The following PKD2 variants were observed in gnomAD, a reference collection of about 807,000 sequenced individuals.
PKD2 encodes polycystin-2.
Under a neutral mutation model 105.9 loss-of-function variants are expected in PKD2, and 48 were observed. That is an observed-to-expected ratio of 0.45 (90% confidence interval 0.36 to 0.58). The LOEUF is 0.58. Ranked by LOEUF, PKD2 falls within the 20% of genes least tolerant of loss-of-function variation. The pLI is 0.00. For synonymous variants in PKD2, 464 were observed against 481.1 expected, an observed-to-expected ratio of 0.96 and a Z score of 0.46; for missense variants, 1,078 against 1,255.3, an observed-to-expected ratio of 0.86 and a Z score of 2.13.
intron 7 of PKD2, among the ~76,000 whole-genome samples, chr4:88,054,716 A>T (rs1030904497): frequency 2.9e-5 from 4 of 137,308 alleles, no homozygotes; most frequent in African/African-American, 1.1e-4. Flanking sequence ...GTGCAGTGGC[A>T]CAATCTTAGC....
chr4:88,050,317 A>G (rs1338293720), intron 6 of PKD2, among the ~76,000 whole-genome samples: 3 of 152,052 alleles, frequency 2.0e-5, no homozygotes, highest in Admixed American at 6.6e-5. Flanking sequence ...AGCACCTACT[A>G]TGTACTTGCC....
intron 11 of PKD2, 98 bp downstream of exon 11, chr4:88,065,593 CTT>C (rs111465406): frequency 5.2e-3 from 5,435 of 1,054,320 alleles, no homozygotes; most frequent in Admixed American, 5.6e-3. Context: ...CATACAGATA[CTT>C]TTTTTTTTTT....
intron 5 of PKD2, 44 bp from the exon 6 acceptor site, chr4:88,046,598 G>A: frequency 6.3e-6 from 7 of 1,119,854 alleles, no homozygotes; most frequent in Non-Finnish European, 8.2e-6. Context: ...CTGTATTCAT[G>A]TGTTGTTGTT....
chr4:88,052,724 C>T (rs1196418729), intron 7 of PKD2, among the ~76,000 whole-genome samples: 2 of 152,030 alleles, frequency 1.3e-5, no homozygotes, highest in African/African-American at 2.4e-5. Flanking sequence ...GTTAGCTGGG[C>T]CTGGGGCCCC....
chr4:88,008,718 A>C (rs1315187081), intron 1 of PKD2, among the ~76,000 whole-genome samples: 1 of 152,162 alleles, frequency 6.6e-6, no homozygotes, highest in Non-Finnish European at 1.5e-5. Context: ...CCAATGTCAC[A>C]AAATCTAAAG....
chr4:88,055,434 T>C (rs1429547965), intron 7 of PKD2, among the ~76,000 whole-genome samples: 1 of 152,040 alleles, frequency 6.6e-6, no homozygotes, highest in African/African-American at 2.4e-5. Flanking sequence ...CCTCCCAGGC[T>C]CAAGCAACCC....
intron 8 of PKD2, among the ~76,000 whole-genome samples, chr4:88,056,470 G>A (rs1182801472): frequency 6.6e-6 from 1 of 152,170 alleles, no homozygotes; most frequent in Non-Finnish European, 1.5e-5. Context: ...GCTTAAGATA[G>A]CAGCCCAAAG....
intron 14 of PKD2, 61 bp downstream of exon 14, chr4:88,075,020 GT>G (rs1721181935): frequency 3.9e-6 from 6 of 1,550,582 alleles, no homozygotes; most frequent in Non-Finnish European, 5.3e-6. Context: ...GAAAATATAT[GT>G]TGCTGACAGT....
chr4:88,037,867 C>T (rs1408372882), intron 3 of PKD2, among the ~76,000 whole-genome samples: 1 of 147,620 alleles, frequency 6.8e-6, no homozygotes, highest in African/African-American at 2.7e-5. Context: ...AGCCTTTTCT[C>T]TAAACAAAGT....
chr4:88,075,010 GA>G, intron 14 of PKD2, 51 bp downstream of exon 14: 1 of 1,588,192 alleles, frequency 6.3e-7, no homozygotes, highest in Non-Finnish European at 8.6e-7. Flanking sequence ...TGTTATTAAT[GA>G]AAATATATGT....
chr4:88,058,389 CTATT>C (rs1236169612), intron 9 of PKD2, among the ~76,000 whole-genome samples: 1 of 152,068 alleles, frequency 6.6e-6, no homozygotes, highest in East Asian at 1.9e-4. Context: ...ATATATGTAT[CTATT>C]CCATGCAAAA....
At chr4:88,073,424 G>T (rs1324772200) in intron 13 of PKD2, among the ~76,000 whole-genome samples, 2 of 152,018 alleles carry the variant, frequency 1.3e-5, no homozygotes, top group Admixed American at 1.3e-4. Flanking sequence ...TACTCGGGAG[G>T]CTGAGGCAGG....
Position 88,029,477 on chromosome 4 carries a change from A to G in PKD2, c.710-6743A>G, listed in dbSNP as rs370344212. Among the ~76,000 whole-genome samples, 46 of 152,006 alleles carry G rather than the reference A, an allele frequency of 3.0e-4. 1 individual carries two copies. In the East Asian group the frequency reaches 4.3e-3, roughly 14 times the overall value. On this transcript the variant is annotated intron_variant, in intron 2 of 14. Coordinates refer to ENST00000237596, the MANE Select transcript of PKD2 (RefSeq NM_000297.4). Reference sequence around the variant, plus strand: ...CCCAGCCTGAACTCATCTCCCACCCATCTATCCAGCCATGCTCTCTAGTTC... The same window carrying G: ...CCCAGCCTGAACTCATCTCCCACCCGTCTATCCAGCCATGCTCTCTAGTTC...
chr4:88,037,825 C>CG (rs1727396407), intron 3 of PKD2, among the ~76,000 whole-genome samples: 1 of 152,204 alleles, frequency 6.6e-6, no homozygotes, highest in African/African-American at 2.4e-5. Flanking sequence ...GGTGAAAGGT[C>CG]TATCAAATGC....
chr4:88,027,714 T>C (rs1727006078), intron 2 of PKD2, among the ~76,000 whole-genome samples: 1 of 152,170 alleles, frequency 6.6e-6, no homozygotes, highest in East Asian at 1.9e-4. Flanking sequence ...GTAATCCCCA[T>C]GTGTCAAGGG....
chr4:88,047,328 A>C (rs1177046284), intron 6 of PKD2, among the ~76,000 whole-genome samples: 1 of 152,110 alleles, frequency 6.6e-6, no homozygotes, highest in Non-Finnish European at 1.5e-5. Context: ...AGGCCAAGGC[A>C]GGAGGATCAC....
Position 88,007,963 on chromosome 4 carries a change from C to G in PKD2, c.230C>G (p.Pro77Arg), listed in dbSNP as rs780923138. 4 of 1,497,412 alleles carry G rather than the reference C, an allele frequency of 2.7e-6. No homozygotes were observed. In the African/African-American group the frequency reaches 4.3e-5, roughly 16 times the overall value. The allele number at this position is 1,497,412 out of a possible 1,614,324, so 92.8% of individuals were successfully genotyped here. A position where few individuals can be genotyped will look rare whatever the true frequency, so the allele number is the denominator to read the frequency against. ...GCCGGAGCCGCGGCCTCCCCTTCTC[C>G]TCCGCTCTCGTCGTGCTCCCGGCAG... ...PPAGAAASPSPPLSSCSRQAW... is the reference protein window; with the variant it reads ...PPAGAAASPSRPLSSCSRQAW... The change falls in exon 1 of 15, where the codon CCT becomes CGT. Residue 77 changes from proline to arginine, a missense_variant. This residue lies in a region of PKD2 where 210 missense variants were observed against 187.9 expected (regional missense o/e 1.12). Coordinates refer to ENST00000237596, the MANE Select transcript of PKD2 (RefSeq NM_000297.4).
intron 6 of PKD2, among the ~76,000 whole-genome samples, chr4:88,051,033 C>T (rs1720077315): frequency 6.6e-6 from 1 of 152,174 alleles, no homozygotes; most frequent in Admixed American, 6.5e-5. Context: ...CAGATTCAGA[C>T]CCCCTGGTGG....
intron 6 of PKD2, 118 bp downstream of exon 6, chr4:88,046,988 C>T: frequency 1.3e-6 from 1 of 742,070 alleles, no homozygotes; most frequent in South Asian, 1.5e-5. Context: ...TAAAAGTCCC[C>T]CTCAATTATA....
Sources: allele counts gnomAD v4.1 joint callset (sites outside exome capture counted in the v4.1 genomes callset), GRCh38; gene constraint gnomAD v4.1.1; regional missense constraint gnomAD v4.1.1; transcripts MANE v1.5; gene names NCBI Gene and HGNC (gene_info 2026-07-23, HGNC 2026-07-21).